AUH: variants seen among roughly 807,000 people sequenced by gnomAD.
AUH encodes the protein methylglutaconyl-CoA hydratase, mitochondrial.
AUH carries 29 observed loss-of-function variants against 42.3 expected under a neutral mutation model. The observed-to-expected ratio is 0.69, with a 90% CI of 0.51 to 0.93. AUH has a LOEUF of 0.93. AUH is among the 40% of genes least tolerant of loss of function. AUH has a pLI of 0.00. For synonymous variants in AUH, 174 were observed against 166.4 expected, an observed-to-expected ratio of 1.05 and a Z score of -0.35; for missense variants, 452 against 438.1, an observed-to-expected ratio of 1.03 and a Z score of -0.28.
chr9:91,248,015 A>C (rs1828893876), intron 6 of AUH, among the ~76,000 whole-genome samples: 1 of 152,198 alleles, frequency 6.6e-6, no homozygotes, highest in African/African-American at 2.4e-5. Context: ...TCTTAACTTC[A>C]GTAAGTCCAG....
intron 4 of AUH, among the ~76,000 whole-genome samples, chr9:91,302,451 T>C (rs1827866278): frequency 6.6e-6 from 1 of 152,068 alleles, no homozygotes; most frequent in African/African-American, 2.4e-5. Flanking sequence ...TAGCTGGGCG[T>C]GGTGGTACAT....
At chr9:91,296,664 T>C (rs1479440189) in intron 5 of AUH, among the ~76,000 whole-genome samples, 16 of 152,236 alleles carry the variant, frequency 1.1e-4, no homozygotes, top group African/African-American at 3.9e-4. Context: ...ACTTCCCATA[T>C]TCTAATTTCC....
At chr9:91,258,864 ATGAGATAAATCC>A (rs1564037412) in intron 6 of AUH, among the ~76,000 whole-genome samples, 1 of 152,248 alleles carries the variant, frequency 6.6e-6, no homozygotes, top group African/African-American at 2.4e-5. Flanking sequence ...TGATTTATAA[ATGAGATAAATCC>A]TGCTTGGTTA....
intron 6 of AUH, among the ~76,000 whole-genome samples, chr9:91,239,474 ACT>A (rs1275435238): frequency 3.3e-5 from 5 of 152,130 alleles, no homozygotes; most frequent in African/African-American, 1.2e-4. Context: ...TTCCTGTGGG[ACT>A]CTGTGTCAGA....
chr9:91,301,021 G>T (rs146268720), intron 4 of AUH, among the ~76,000 whole-genome samples: 7 of 152,060 alleles, frequency 4.6e-5, no homozygotes, highest in Non-Finnish European at 5.9e-5. Context: ...CAAACCTCAC[G>T]GTTTTTCACT....
At chr9:91,302,503 C>T (rs1285269938) in intron 4 of AUH, among the ~76,000 whole-genome samples, 4 of 152,146 alleles carry the variant, frequency 2.6e-5, no homozygotes, top group Admixed American at 2.0e-4. Flanking sequence ...GCAGGAGAAT[C>T]GCTTGAACCC....
chr9:91,302,999 A>T (rs1827925041), intron 4 of AUH, among the ~76,000 whole-genome samples: 1 of 152,208 alleles, frequency 6.6e-6, no homozygotes, highest in Non-Finnish European at 1.5e-5. Context: ...ATCAGATACT[A>T]TTTTCAGTTT....
chr9:91,256,115 C>A (rs984493934), intron 6 of AUH, among the ~76,000 whole-genome samples: 2 of 152,088 alleles, frequency 1.3e-5, no homozygotes, highest in African/African-American at 2.4e-5. Context: ...CTTTTGGCTA[C>A]TCCATTAAAT....
intron 4 of AUH, among the ~76,000 whole-genome samples, chr9:91,317,722 C>T (rs1829264402): frequency 1.3e-5 from 2 of 152,118 alleles, no homozygotes; most frequent in Admixed American, 1.3e-4. Context: ...TGCCTTGTTC[C>T]TGATTTTAGG....
intron 3 of AUH, 137 bp from the exon 4 acceptor site, chr9:91,325,541 G>A: frequency 5.5e-6 from 4 of 726,786 alleles, no homozygotes; most frequent in Non-Finnish European, 2.4e-6. Context: ...CATTACCTCA[G>A]TTTTCCTTCC....
chr9:91,254,314 A>G (rs1190314328), intron 6 of AUH, among the ~76,000 whole-genome samples: 1 of 152,184 alleles, frequency 6.6e-6, no homozygotes, highest in Non-Finnish European at 1.5e-5. Context: ...GAGCAGGGGC[A>G]CTGGGAACAA....
intron 6 of AUH, among the ~76,000 whole-genome samples, chr9:91,222,820 T>C (rs1482578044): frequency 1.3e-5 from 2 of 152,226 alleles, no homozygotes; most frequent in African/African-American, 4.8e-5. Context: ...TGGTTCTTTC[T>C]CATGTTCTAT....
chr9:91,340,876 G>C (rs775602755), intron 3 of AUH, among the ~76,000 whole-genome samples: 2 of 152,024 alleles, frequency 1.3e-5, no homozygotes, highest in African/African-American at 4.8e-5. Flanking sequence ...CTTTTCTAAG[G>C]GTTGTAAAGA....
chr9:91,345,599 C>A (rs1456527292), intron 3 of AUH, among the ~76,000 whole-genome samples: 2 of 151,706 alleles, frequency 1.3e-5, no homozygotes, highest in Non-Finnish European at 2.9e-5. Context: ...TTTGGGAGGC[C>A]GAGGCAGGTG....
At chr9:91,272,552 C>A (rs1361588084) in intron 6 of AUH, among the ~76,000 whole-genome samples, 1 of 152,042 alleles carries the variant, frequency 6.6e-6, no homozygotes, top group Non-Finnish European at 1.5e-5. Context: ...GTCTTAAGAC[C>A]ATCAGGATTC....
chr9:91,258,312 T>C (rs776458873), intron 6 of AUH, among the ~76,000 whole-genome samples: 1 of 151,802 alleles, frequency 6.6e-6, no homozygotes, highest in Non-Finnish European at 1.5e-5. Flanking sequence ...CTCGGCTCAC[T>C]GCAAACCTCC....
intron 6 of AUH, among the ~76,000 whole-genome samples, chr9:91,268,483 T>G (rs1315782487): frequency 6.6e-6 from 1 of 152,132 alleles, no homozygotes; most frequent in Non-Finnish European, 1.5e-5. Context: ...CAGGCTGAAG[T>G]GCAGTGGCGC....
chr9:91,216,739 T>C (rs1826842432), intron 8 of AUH, among the ~76,000 whole-genome samples: 2 of 152,116 alleles, frequency 1.3e-5, no homozygotes, highest in Non-Finnish European at 2.9e-5. Flanking sequence ...GTCCAATAAA[T>C]GGGTATGTGC....
chr9:91,357,822 A>G (rs1199799340), intron 1 of AUH, among the ~76,000 whole-genome samples: 3 of 152,248 alleles, frequency 2.0e-5, no homozygotes, highest in Non-Finnish European at 4.4e-5. Context: ...GGGGGAGAAG[A>G]GAGTGACCAA....
Sources: gnomAD v4.1 joint callset for allele counts (sites outside exome capture counted in the v4.1 genomes callset) on GRCh38, gnomAD v4.1.1 for gene constraint, MANE v1.5 for transcripts, NCBI Gene and HGNC (gene_info 2026-07-23, HGNC 2026-07-21) for gene names.